Variants in SSBP2 observed in about 807,000 individuals in gnomAD.
The protein encoded by SSBP2 is single-stranded DNA-binding protein 2.
In SSBP2, 17 loss-of-function variants were observed where a neutral mutation model predicts 61.8. The observed-to-expected ratio is 0.28, with a 90% CI of 0.19 to 0.41. The LOEUF is 0.41. Among genes scored for constraint, SSBP2 ranks in the 10% least tolerant of loss-of-function variants. SSBP2 has a pLI of 1.00. For missense variants in SSBP2, 310 were observed against 458.7 expected, an observed-to-expected ratio of 0.68 and a Z score of 2.96; for synonymous variants, 139 against 141.3, an observed-to-expected ratio of 0.98 and a Z score of 0.12.
intron 4 of SSBP2, among the ~76,000 whole-genome samples, chr5:81,614,429 A>C (rs1162940928): frequency 6.6e-6 from 1 of 151,336 alleles, no homozygotes; most frequent in African/African-American, 2.4e-5. Context: ...ACTTCCCGTA[A>C]GTCTGCATGC....
chr5:81,458,737 C>T (rs777875901), intron 10 of SSBP2, among the ~76,000 whole-genome samples: 9 of 152,158 alleles, frequency 5.9e-5, no homozygotes, highest in Non-Finnish European at 1.3e-4. Flanking sequence ...GATAAGTTGT[C>T]ACCACAAAAT....
intron 4 of SSBP2, among the ~76,000 whole-genome samples, chr5:81,590,157 G>T (rs1306097446): frequency 6.6e-6 from 1 of 152,050 alleles, no homozygotes; most frequent in Non-Finnish European, 1.5e-5. Flanking sequence ...GTGGGGAGGG[G>T]TGTGTTGGAA....
chr5:81,540,078 T>A (rs1358696412), intron 4 of SSBP2, among the ~76,000 whole-genome samples: 2 of 152,214 alleles, frequency 1.3e-5, no homozygotes, highest in Non-Finnish European at 2.9e-5. Context: ...GAACTCATCC[T>A]TTTTTATGGC....
At chr5:81,555,346 A>G (rs191677091) in intron 4 of SSBP2, among the ~76,000 whole-genome samples, 15 of 152,278 alleles carry the variant, frequency 9.9e-5, no homozygotes, top group Admixed American at 4.6e-4. Flanking sequence ...TATAATTTAT[A>G]TAACTCATTT....
At chr5:81,533,745 C>T (rs1770593304) in intron 4 of SSBP2, among the ~76,000 whole-genome samples, 1 of 152,030 alleles carries the variant, frequency 6.6e-6, no homozygotes, top group Admixed American at 6.6e-5. Flanking sequence ...GAAAAAACAT[C>T]CCCTGGAACC....
chr5:81,737,660 C>T (rs1014646336), intron 1 of SSBP2, among the ~76,000 whole-genome samples: 16 of 151,678 alleles, frequency 1.1e-4, no homozygotes, highest in Admixed American at 6.6e-4. Flanking sequence ...TGGTGGCGGG[C>T]GCCTGTAGTC....
rs905086540 is a variant in SSBP2, at chr5:81,467,168, T to G, written c.571-127A>C. On this transcript the variant is annotated intron_variant, in intron 8 of 16. Coordinates refer to ENST00000320672, the MANE Select transcript of SSBP2 (RefSeq NM_012446.5). ...CTCCAATTGGATAAGGCCTGTGTAA[T>G]TCATTCTCTGAGGGGTCCATTCTTG... is the stretch of plus-strand genomic sequence containing the variant. 10 of 627,632 alleles carry G rather than the reference T, an allele frequency of 1.6e-5. No homozygotes were observed. The African/African-American group carries it at 1.7e-4, about 10-fold the overall frequency. The allele number at this position is 627,632 out of a possible 1,614,324, so 38.9% of individuals were successfully genotyped here. A position where few individuals can be genotyped will look rare whatever the true frequency, so the allele number is the denominator to read the frequency against.
At chr5:81,571,232 T>C (rs11738742) in intron 4 of SSBP2, among the ~76,000 whole-genome samples, 517 of 152,340 alleles carry the variant, frequency 3.4e-3, no homozygotes, top group Admixed American at 6.7e-3. Flanking sequence ...TCTGACACAA[T>C]AGCTTGTAGG....
At chr5:81,448,861 A>G in intron 10 of SSBP2, 36 bp from the exon 11 acceptor site, 1 of 1,503,314 alleles carries the variant, frequency 6.7e-7, no homozygotes, top group Non-Finnish European at 9.2e-7. Context: ...TTTTTGATTC[A>G]TGTAGCAATA....
chr5:81,535,104 G>A (rs1351858050), intron 4 of SSBP2, among the ~76,000 whole-genome samples: 11 of 151,902 alleles, frequency 7.2e-5, no homozygotes, highest in Admixed American at 7.2e-4. Flanking sequence ...ATATACAAAA[G>A]CCAATTGATT....
chr5:81,440,727 C>A, intron 13 of SSBP2, 91 bp from the exon 14 acceptor site: 6 of 883,866 alleles, frequency 6.8e-6, no homozygotes, highest in South Asian at 1.9e-5. Flanking sequence ...CAAGACACTG[C>A]CACAACTTAT....
chr5:81,589,874 GGAGAGAGAGA>G (rs151202879), intron 4 of SSBP2, among the ~76,000 whole-genome samples: 1 of 150,598 alleles, frequency 6.6e-6, no homozygotes. Flanking sequence ...GGTGAGAGAG[GGAGAGAGAGA>G]GAGAGAGATC....
chr5:81,606,517 A>G (rs767009518), intron 4 of SSBP2, among the ~76,000 whole-genome samples: 4 of 152,312 alleles, frequency 2.6e-5, no homozygotes, highest in Non-Finnish European at 5.9e-5. Context: ...TTAAGCAAGA[A>G]TATATTCTAA....
intron 5 of SSBP2, among the ~76,000 whole-genome samples, chr5:81,500,752 C>A (rs1184229362): frequency 6.6e-6 from 1 of 151,954 alleles, no homozygotes; most frequent in Non-Finnish European, 1.5e-5. Flanking sequence ...AGCCACTGTG[C>A]CCAGCCCAGA....
At chr5:81,744,981 A>G (rs998754860) in intron 1 of SSBP2, among the ~76,000 whole-genome samples, 1 of 152,146 alleles carries the variant, frequency 6.6e-6, no homozygotes, top group Non-Finnish European at 1.5e-5. Flanking sequence ...TTGAGTCCAG[A>G]TGAATTTTTG....
At chr5:81,478,802 T>C (rs1765772367) in intron 6 of SSBP2, among the ~76,000 whole-genome samples, 1 of 152,140 alleles carries the variant, frequency 6.6e-6, no homozygotes, top group Non-Finnish European at 1.5e-5. Context: ...CTCCAAATGG[T>C]TAGAGTTATA....
rs142341834 is a variant in SSBP2, at chr5:81,746,972, G to C, written c.62+4009C>G. Among the ~76,000 whole-genome samples the C allele has an allele frequency of 2.3e-5, 3 of 133,018 alleles. No individual in the cohort carries two copies. In the East Asian group the frequency reaches 7.0e-4, roughly 31 times the overall value. The allele number at this position is 133,018 out of a possible 152,430, so 87.3% of individuals were successfully genotyped here. ...TTCAGCAACATTTCATATAGGAATT[G>C]TTCACAACTATTATGTTTAACTTTA... On this transcript the variant is annotated intron_variant, in intron 1 of 16. Transcript: ENST00000320672.
chr5:81,732,189 T>G (rs1409940781), intron 1 of SSBP2, among the ~76,000 whole-genome samples: 1 of 152,200 alleles, frequency 6.6e-6, no homozygotes, highest in East Asian at 1.9e-4. Flanking sequence ...TTAAACCATC[T>G]GTTTCTTCAT....
chr5:81,643,047 C>G (rs1314206451), intron 2 of SSBP2, among the ~76,000 whole-genome samples: 1 of 152,214 alleles, frequency 6.6e-6, no homozygotes, highest in East Asian at 1.9e-4. Context: ...CTGAAAATCA[C>G]ATTTCCTAAC....
Sources: allele counts gnomAD v4.1 joint callset (sites outside exome capture counted in the v4.1 genomes callset), GRCh38; gene constraint gnomAD v4.1.1; transcripts MANE v1.5; gene names NCBI Gene and HGNC (gene_info 2026-07-23, HGNC 2026-07-21).